Variants in MYH14 observed in about 807,000 individuals in gnomAD.
MYH14 encodes the protein myosin heavy chain 14.
Under a neutral mutation model 255.5 loss-of-function variants are expected in MYH14, and 123 were observed. The ratio of observed to expected loss-of-function variants is 0.48; its 90% CI spans 0.42 to 0.56. The LOEUF (loss-of-function observed/expected upper bound fraction) is 0.56, where lower values mean the gene tolerates loss of function less well. MYH14 is among the 20% of genes least tolerant of loss of function. The pLI is 0.00. For missense variants in MYH14, 2,423 were observed against 2,802.3 expected (o/e 0.86, Z 3.06); for synonymous variants, 1,095 against 1,161.2 (o/e 0.94, Z 1.16).
chr19:50,213,695 A>C (rs138943099), intron 2 of MYH14, among the ~76,000 whole-genome samples: 1 of 152,190 alleles, frequency 6.6e-6, no homozygotes, highest in East Asian at 1.9e-4. Flanking sequence ...CCCCATCCAC[A>C]TAAGGTTGTG....
chr19:50,297,331 G>C (rs1412882790), intron 39 of MYH14, among the ~76,000 whole-genome samples: 1 of 151,928 alleles, frequency 6.6e-6, no homozygotes, highest in Non-Finnish European at 1.5e-5. Context: ...CTGAAATCAA[G>C]GTGTGGGCAG....
chr19:50,223,231 C>G lies in MYH14; in HGVS notation c.591-16C>G, dbSNP rs2032925969. On this transcript the variant is annotated splice_polypyrimidine_tract_variant and intron_variant, in intron 4 of 42. Transcript: ENST00000642316. Reference sequence around the variant, plus strand: ...GTCATTGCCAACCCCTTTGCTTCCCCTTGTCATCCCCACAGTGGAGAGTCT... The same window carrying G: ...GTCATTGCCAACCCCTTTGCTTCCCGTTGTCATCCCCACAGTGGAGAGTCT... The G allele has an allele frequency of 6.2e-7, 1 of 1,613,146 alleles. No individual in the cohort carries two copies. The highest frequency in any genetic ancestry group is 8.5e-7 in the Non-Finnish European group (1 of 1,179,148).
At chr19:50,272,019 G>C in intron 26 of MYH14, 47 bp downstream of exon 26, 1 of 1,588,744 alleles carries the variant, frequency 6.3e-7, no homozygotes, top group South Asian at 1.1e-5. Context: ...CTCTAATGGG[G>C]GACCTCAGGC....
chr19:50,305,895 G>C (rs1188047038), intron 40 of MYH14, among the ~76,000 whole-genome samples: 2 of 152,152 alleles, frequency 1.3e-5, no homozygotes, highest in Non-Finnish European at 2.9e-5. Flanking sequence ...TCACACCATT[G>C]CACTCCTGTC....
intron 39 of MYH14, among the ~76,000 whole-genome samples, chr19:50,298,855 G>A (rs2036376522): frequency 1.3e-5 from 2 of 152,194 alleles, no homozygotes; most frequent in African/African-American, 4.8e-5. Context: ...GCTGAAGCAG[G>A]TAGATTGCTT....
chr19:50,267,058 T>G, intron 23 of MYH14, 50 bp downstream of exon 23: 1 of 1,485,714 alleles, frequency 6.7e-7, no homozygotes, highest in East Asian at 2.5e-5. Context: ...GGTGGGGCTG[T>G]GTCGCATGGG....
intron 39 of MYH14, among the ~76,000 whole-genome samples, chr19:50,297,227 G>A (rs1031655076): frequency 2.0e-5 from 3 of 151,912 alleles, no homozygotes; most frequent in East Asian, 1.9e-4. Flanking sequence ...CTCGTGATCC[G>A]CCCGCCTCGG....
chr19:50,284,160 A>G (rs2035815128), intron 33 of MYH14, among the ~76,000 whole-genome samples: 2 of 152,066 alleles, frequency 1.3e-5, no homozygotes, highest in African/African-American at 4.8e-5. Flanking sequence ...TATCAGATAT[A>G]TGCTTTGCAA....
intron 10 of MYH14, among the ~76,000 whole-genome samples, chr19:50,235,625 A>T (rs1405962351): frequency 1.6e-5 from 2 of 121,330 alleles, no homozygotes; most frequent in East Asian, 4.2e-4. Flanking sequence ...ACTAAAAATT[A>T]AAAAAAAAAA....
rs773481440 is a variant in MYH14 at position 50,278,205 on chromosome 19, G to A, written c.3948G>A (p.Glu1316=). The A allele has an allele frequency of 8.1e-6, 13 of 1,609,132 alleles. No homozygotes were observed. In the East Asian group the frequency reaches 2.7e-4, roughly 33 times the overall value. ...QEGEQRRRRL[E]LQLQEVQGRA... is the part of the protein sequence containing the mutation. Reference sequence around the variant, plus strand: ...GTGAGCAGCGGAGGCGCCGCCTGGAGTTACAGCTGCAGGAGGTGCAGGGCC... The same window carrying A: ...GTGAGCAGCGGAGGCGCCGCCTGGAATTACAGCTGCAGGAGGTGCAGGGCC... Residue 1316 remains glutamate (E), a synonymous_variant, in exon 30 of 43, where the codon GAG becomes GAA. Transcript: ENST00000642316.
At position 50,230,063 on chromosome 19, in the gene MYH14, C is replaced by T. The variant is rs543562796; in HGVS notation, c.875-462C>T. ...CCAAGCAGCTGAGATTACAGGCACC[C>T]GCGATCACACCTATAATTTTTGTAT... On this transcript the variant is annotated intron_variant, in intron 8 of 42. Coordinates refer to ENST00000642316, the MANE Select transcript of MYH14 (RefSeq NM_001145809.2). This position sits in a 1 kb window ranked among gnomAD's most constrained non-coding sequence, Gnocchi z 4.7. Among the ~76,000 whole-genome samples the T allele has an allele frequency of 9.2e-5, 14 of 152,152 alleles. No individual in the cohort carries two copies. Among genetic ancestry groups the T allele is most frequent in the South Asian group, 8.3e-4 (4 of 4,836 alleles).
intron 2 of MYH14, among the ~76,000 whole-genome samples, chr19:50,214,026 T>C (rs1409120257): frequency 2.0e-5 from 3 of 152,140 alleles, no homozygotes; most frequent in Non-Finnish European, 4.4e-5. Context: ...TGTTTCACAA[T>C]GTTACCCAGG....
intron 10 of MYH14, among the ~76,000 whole-genome samples, chr19:50,236,240 G>A (rs2033651174): frequency 6.6e-6 from 1 of 152,074 alleles, no homozygotes; most frequent in East Asian, 1.9e-4. Context: ...GGCTGAGGTG[G>A]GAGGATCTCT....
chr19:50,213,578 G>A (rs550488303), intron 2 of MYH14, among the ~76,000 whole-genome samples: 7 of 152,274 alleles, frequency 4.6e-5, no homozygotes, highest in Non-Finnish European at 8.8e-5. Context: ...ATTCCAGACA[G>A]GAAGCACATT....
rs748825487 is a variant in MYH14 at position 50,217,815 on chromosome 19, A to G, written c.562+44A>G. ...TGTAGGCCAGCGAGGCGGCTCTTCA[A>G]CGGGGGCCTGACCTGGGGCTGCCGG... On this transcript the variant is annotated intron_variant, in intron 3 of 42. Coordinates refer to ENST00000642316, the MANE Select transcript of MYH14 (RefSeq NM_001145809.2). 10 of 1,600,640 alleles carry G rather than the reference A, an allele frequency of 6.2e-6. No individual in the cohort carries two copies. In the African/African-American group the frequency reaches 1.2e-4, roughly 19 times the overall value.
In MYH14 at chr19:50,252,470, A is replaced by G. The variant is rs2034438170; in HGVS notation, c.1831-169A>G. On this transcript the variant is annotated intron_variant, in intron 15 of 42. Transcript: ENST00000642316. The surrounding 1 kb of genome is among the most constrained non-coding windows in gnomAD (Gnocchi z 4.2). ...AGAGGGGAAGGAGAGAGAGGGGACC[A>G]TGCTGGTGGGGTGCAGTTCAGAATA... Among the ~76,000 whole-genome samples, 2 of 151,772 alleles carry G rather than the reference A, an allele frequency of 1.3e-5. No individual in the cohort carries two copies. Among genetic ancestry groups the G allele is most frequent in the South Asian group, 4.2e-4 (2 of 4,816 alleles).
intron 10 of MYH14, among the ~76,000 whole-genome samples, chr19:50,234,118 C>A (rs899579833): frequency 4.6e-5 from 7 of 152,094 alleles, no homozygotes; most frequent in African/African-American, 1.7e-4. Context: ...CCGCACCTGG[C>A]CTCCTACCCT....
At chr19:50,289,680 G>A in intron 35 of MYH14, 32 bp downstream of exon 35, 7 of 1,569,966 alleles carry the variant, frequency 4.5e-6, no homozygotes, top group Non-Finnish European at 5.2e-6. Context: ...CAGGGTGCCA[G>A]TCCAGCTGGG....
At position 50,272,590 on chromosome 19, in the gene MYH14, A is replaced by G; in HGVS notation, c.3326A>G (p.Gln1109Arg). ...CTACGGAAGGAGGAGAAGGGTCGCC[A>G]GGAGCTGGAGAAGCTGAAGCGGAGG... ...DRLRKEEKGR[Q>R]ELEKLKRRLD... is the part of the protein sequence containing the mutation. Residue 1109 changes from glutamine (Q) to arginine (R), a missense_variant, in exon 27 of 43, where the codon CAG (glutamine) becomes CGG (arginine). Physicochemically the swap from Gln to Arg is conservative, Grantham distance 43. This residue lies in a region of MYH14 where 1,513 missense variants were observed against 1,674.8 expected (regional missense o/e 0.90). Coordinates refer to ENST00000642316, the MANE Select transcript of MYH14 (RefSeq NM_001145809.2). 2 of 1,580,196 alleles carry G rather than the reference A, an allele frequency of 1.3e-6. No homozygotes were observed. Among genetic ancestry groups the G allele is most frequent in the Non-Finnish European group, 1.7e-6 (2 of 1,163,958 alleles).
Sources: gnomAD v4.1 joint callset for allele counts (sites outside exome capture counted in the v4.1 genomes callset) on GRCh38, gnomAD v4.1.1 for gene constraint, gnomAD v4.1.1 regional missense constraint, Gnocchi (gnomAD v3.1) non-coding constraint, MANE v1.5 for transcripts, NCBI Gene and HGNC (gene_info 2026-07-23, HGNC 2026-07-21) for gene names.